The following PCDHA8 variants were observed in gnomAD, a reference collection of about 807,000 sequenced individuals.
PCDHA8 encodes protocadherin alpha-8.
Under a neutral mutation model 61.8 loss-of-function variants are expected in PCDHA8, and 53 were observed. The ratio of observed to expected loss-of-function variants is 0.86; its 90% CI spans 0.69 to 1.08. The LOEUF is 1.08. Ranked by LOEUF, PCDHA8 falls within the 50% of genes least tolerant of loss-of-function variation. The pLI, the probability that PCDHA8 is intolerant of heterozygous loss-of-function variation, is 0.00. For synonymous variants in PCDHA8, 618 were observed against 556.6 expected (o/e 1.11, Z -1.55); for missense variants, 1,293 against 1,245.0 (o/e 1.04, Z -0.58).
At chr5:140,866,727 T>C (rs1254232410) in intron 1 of PCDHA8, 1 of 152,170 alleles carries the variant, frequency 6.6e-6, no homozygotes, top group East Asian at 1.9e-4. Context: ...CATTAAACTA[T>C]GCACTCTAAT....
chr5:140,887,323 C>T (rs1209011082), intron 1 of PCDHA8, among the ~76,000 whole-genome samples: 5 of 152,084 alleles, frequency 3.3e-5, no homozygotes, highest in African/African-American at 1.2e-4. Context: ...GTCTCGAACT[C>T]CTGACCTCGT....
At position 141,005,925 on chromosome 5, in the gene PCDHA8, T is replaced by C. The variant is rs368127914; in HGVS notation, c.2543-3702T>C. On this transcript the variant is annotated intron_variant, in intron 3 of 3. Transcript: ENST00000531613. ...TTGCACCACTGCACTTCAGCCTGGT[T>C]GACAGAGTGAGAACCTATCTCTAAC... 4.1e-4 allele frequency among the ~76,000 whole-genome samples: 62 copies of C among 151,990 alleles called. 1 individual carries two copies. The highest frequency in any genetic ancestry group is 1.4e-3 in the African/African-American group (59 of 41,476).
intron 1 of PCDHA8, among the ~76,000 whole-genome samples, chr5:140,855,023 G>A (rs115040572): frequency 1.3e-5 from 2 of 149,492 alleles, no homozygotes; most frequent in South Asian, 2.1e-4. Flanking sequence ...GAAACTTCTT[G>A]TATAAAGGAT....
At chr5:140,949,383 T>C (rs2094373133) in intron 1 of PCDHA8, among the ~76,000 whole-genome samples, 1 of 151,882 alleles carries the variant, frequency 6.6e-6, no homozygotes, top group Non-Finnish European at 1.5e-5. Flanking sequence ...TATCAATTGC[T>C]CAGAGAGCAG....
At chr5:140,928,696 C>A in intron 1 of PCDHA8, 2 of 1,614,146 alleles carry the variant, frequency 1.2e-6, no homozygotes, top group South Asian at 2.2e-5. Flanking sequence ...CCACATCTCC[C>A]GGGCGTCTGA....
intron 3 of PCDHA8, among the ~76,000 whole-genome samples, chr5:140,994,257 G>A (rs1232863771): frequency 6.6e-6 from 1 of 152,122 alleles, no homozygotes; most frequent in East Asian, 1.9e-4. Context: ...AGGTAAATAA[G>A]GTAAGCTAGG....
At chr5:140,877,995 T>A in intron 1 of PCDHA8, 1 of 1,054,404 alleles carries the variant, frequency 9.5e-7, no homozygotes. Context: ...AACTTTTATG[T>A]ATTTGTCTAA....
chr5:140,923,219 CGTTTGAGCCCAGAA>C (rs6149268), intron 1 of PCDHA8, among the ~76,000 whole-genome samples: 47,935 of 151,966 alleles, frequency 0.32, 7,912 homozygotes, highest in East Asian at 0.52. Context: ...GTGAAAGGAT[CGTTTGAGCCCAGAA>C]GTTTGAGACC....
At chr5:140,988,856 C>G (rs1363693153) in intron 3 of PCDHA8, 1 of 152,180 alleles carries the variant, frequency 6.6e-6, no homozygotes, top group African/African-American at 2.4e-5. Context: ...CCTATCCAGT[C>G]TCATGTGCAC....
chr5:140,997,133 C>A (rs1554255761), intron 3 of PCDHA8, among the ~76,000 whole-genome samples: 3 of 152,090 alleles, frequency 2.0e-5, no homozygotes, highest in Non-Finnish European at 4.4e-5. Flanking sequence ...ACAATGCCCC[C>A]ACACCCCCGC....
At chr5:140,895,691 T>C (rs571770501) in intron 1 of PCDHA8, among the ~76,000 whole-genome samples, 3 of 152,322 alleles carry the variant, frequency 2.0e-5, no homozygotes, top group South Asian at 4.1e-4. Flanking sequence ...TCTGTTTCTA[T>C]ATTAATTCAC....
rs2150370274 is a variant in PCDHA8 at position 140,844,311 on chromosome 5, T to C, written c.2394+596T>C. Among the ~76,000 whole-genome samples, 61 of 149,790 alleles carry C rather than the reference T, an allele frequency of 4.1e-4. 5 individuals carry two copies. The highest frequency in any genetic ancestry group is 7.6e-4 in the Non-Finnish European group (51 of 66,820). On this transcript the variant is annotated intron_variant, in intron 1 of 3. Transcript: ENST00000531613. ...CAAAATTTGATAGTTTTCATATTCT[T>C]CCTAATTTTATTATAAACTAGTTAA...
In PCDHA8 at chr5:140,988,105, A is replaced by C. The variant is rs2097283158; in HGVS notation, c.2542+5542A>C. On this transcript the variant is annotated intron_variant, in intron 3 of 3. Transcript: ENST00000531613. ...TGAGTGCAGCCTCGGGCCTTGTTGGAGAATTTAGAAAGCATGCTGTTCCAC... is the reference window on the plus strand; with the variant it reads ...TGAGTGCAGCCTCGGGCCTTGTTGGCGAATTTAGAAAGCATGCTGTTCCAC... Among the ~76,000 whole-genome samples the C allele has an allele frequency of 2.6e-5, 4 of 152,138 alleles. No individual in the cohort carries two copies. In the South Asian group the frequency reaches 8.3e-4, roughly 32 times the overall value.
At position 140,841,578 on chromosome 5, in the gene PCDHA8, T is replaced by C; in HGVS notation, c.257T>C (p.Val86Ala). The C allele has an allele frequency of 1.2e-6, 2 of 1,614,008 alleles. No individual in the cohort carries two copies. The highest frequency in any genetic ancestry group is 1.7e-6 in the Non-Finnish European group (2 of 1,179,998). ...EVSLQNGILF[V>A]NSRIDREELC... ...AGTCTGCAGAATGGCATTTTGTTTG[T>C]GAATTCTCGGATCGACCGCGAGGAG... is the stretch of plus-strand genomic sequence containing the variant. The change falls in exon 1 of 4, where the codon GTG (valine) becomes GCG (alanine). Residue 86 changes from valine to alanine, a missense_variant. Physicochemically the swap from Val to Ala is moderately conservative, Grantham distance 64. Coordinates refer to ENST00000531613, the MANE Select transcript of PCDHA8 (RefSeq NM_018911.3).
rs782590821 is a variant in PCDHA8 at position 140,929,251 on chromosome 5, G to T, written c.2395-49698G>T. On this transcript the variant is annotated intron_variant, in intron 1 of 3. Transcript: ENST00000531613. ...CGACCTGCGAAATCTTGCCACTGGG[G>T]TAGGACTGAATTTGCCAATATCCTG... The T allele has an allele frequency of 3.1e-6, 5 of 1,613,416 alleles. No homozygotes were observed. Among genetic ancestry groups the T allele is most frequent in the African/African-American group, 1.3e-5 (1 of 74,908 alleles).
intron 3 of PCDHA8, among the ~76,000 whole-genome samples, chr5:140,998,827 G>T (rs2097835809): frequency 6.6e-6 from 1 of 152,226 alleles, no homozygotes; most frequent in South Asian, 2.1e-4. Context: ...GCCTCCCAAA[G>T]TGCTGGATTA....
chr5:140,922,074 CA>C (rs1554200639), intron 1 of PCDHA8, among the ~76,000 whole-genome samples: 1 of 151,892 alleles, frequency 6.6e-6, no homozygotes, highest in Non-Finnish European at 1.5e-5. Flanking sequence ...TCCCACTAAG[CA>C]AAAAGTGGTA....
chr5:140,963,570 G>A (rs1011231723), intron 1 of PCDHA8, among the ~76,000 whole-genome samples: 6 of 152,180 alleles, frequency 3.9e-5, no homozygotes, highest in African/African-American at 1.2e-4. Flanking sequence ...TTCTGGTTTT[G>A]TTCTCAAAAT....
intron 1 of PCDHA8, among the ~76,000 whole-genome samples, chr5:140,888,393 C>T (rs1554183447): frequency 1.3e-5 from 2 of 152,156 alleles, no homozygotes; most frequent in African/African-American, 4.8e-5. Context: ...CTGCTAAACA[C>T]CATCCAATTG....
Sources: gnomAD v4.1 joint callset for allele counts (sites outside exome capture counted in the v4.1 genomes callset) on GRCh38, gnomAD v4.1.1 for gene constraint, MANE v1.5 for transcripts, NCBI Gene and HGNC (gene_info 2026-07-23, HGNC 2026-07-21) for gene names.